The following MFHAS1 variants were observed in gnomAD, a reference collection of about 807,000 sequenced individuals.
The protein encoded by MFHAS1 is multifunctional ROCO family signaling regulator 1.
A neutral mutation model predicts 70.4 loss-of-function variants in MFHAS1; 50 were observed. The ratio of observed to expected loss-of-function variants is 0.71; its 90% CI spans 0.57 to 0.90. MFHAS1 has a LOEUF of 0.90. MFHAS1 is among the 40% of genes least tolerant of loss of function. The probability of loss-of-function intolerance (pLI) is 0.00; values close to 1 mark genes in which losing one functional copy is unlikely to be tolerated. For synonymous variants in MFHAS1, 952 were observed against 620.0 expected (o/e 1.54, Z -7.96); for missense variants, 1,795 against 1,347.6 (o/e 1.33, Z -5.20).
At chr8:8,810,494 C>G (rs1172985165) in intron 1 of MFHAS1, among the ~76,000 whole-genome samples, 1 of 152,230 alleles carries the variant, frequency 6.6e-6, no homozygotes. Context: ...TCCAACCCCT[C>G]CTCTTCCTCC....
chr8:8,794,313 A>C (rs1563176615), intron 2 of MFHAS1, among the ~76,000 whole-genome samples: 1 of 152,198 alleles, frequency 6.6e-6, no homozygotes. Flanking sequence ...CCCAAGTCTC[A>C]GGCTCAGGCC....
chr8:8,797,348 G>C lies in MFHAS1; in HGVS notation c.3125+17C>G, dbSNP rs1227673192. ...CAGGAGCCAGGTCCCGGGGCCAGAG[G>C]GACTTTGAGAACTCACTTGGAACAG... On this transcript the variant is annotated intron_variant, in intron 2 of 2. Coordinates refer to ENST00000276282, the MANE Select transcript of MFHAS1 (RefSeq NM_004225.3). The C allele has an allele frequency of 6.2e-7, 1 of 1,612,320 alleles. No homozygotes were observed. The highest frequency in any genetic ancestry group is 1.3e-5 in the African/African-American group (1 of 74,860).
chr8:8,790,341 C>G, intron 2 of MFHAS1: 1 of 983,232 alleles, frequency 1.0e-6, no homozygotes. Context: ...AATTGGTGCT[C>G]CTAAAGTCAC....
intron 1 of MFHAS1, among the ~76,000 whole-genome samples, chr8:8,883,338 T>TCAAAA (rs1164546459): frequency 3.0e-4 from 46 of 152,154 alleles, no homozygotes; most frequent in African/African-American, 9.2e-4. Context: ...CCGCTGGTTT[T>TCAAAA]CAAAACAAAA....
At chr8:8,797,251 G>T in intron 2 of MFHAS1, 114 bp downstream of exon 2, 1 of 1,210,862 alleles carries the variant, frequency 8.3e-7, no homozygotes. Flanking sequence ...TGTCTGTTCA[G>T]GAGGACTTTG....
chr8:8,858,652 G>A (rs1485115406), intron 1 of MFHAS1, among the ~76,000 whole-genome samples: 1 of 152,016 alleles, frequency 6.6e-6, no homozygotes, highest in Admixed American at 6.6e-5. Context: ...ATATATGGGG[G>A]GTTGGGTTCT....
At chr8:8,827,280 G>A (rs970777314) in intron 1 of MFHAS1, among the ~76,000 whole-genome samples, 1 of 152,114 alleles carries the variant, frequency 6.6e-6, no homozygotes. Flanking sequence ...GTACATGCTG[G>A]AAAACATTTA....
chr8:8,824,819 T>C (rs138699768), intron 1 of MFHAS1, among the ~76,000 whole-genome samples: 1 of 152,220 alleles, frequency 6.6e-6, no homozygotes, highest in Non-Finnish European at 1.5e-5. Context: ...GGTAAGCAAG[T>C]TGGAGGCAAG....
At chr8:8,815,471 G>A (rs10102462) in intron 1 of MFHAS1, among the ~76,000 whole-genome samples, 52,255 of 151,958 alleles carry the variant, frequency 0.34, 10,157 homozygotes, top group African/African-American at 0.52. Flanking sequence ...GAACTAATTC[G>A]CACTCCCACC....
intron 1 of MFHAS1, among the ~76,000 whole-genome samples, chr8:8,848,399 A>G (rs533100415): frequency 2.5e-4 from 7 of 27,890 alleles, no homozygotes; most frequent in African/African-American, 5.2e-4. Flanking sequence ...AAGAGGAAGA[A>G]AAAAAAAAAA....
chr8:8,831,891 T>G (rs1807402010), intron 1 of MFHAS1, among the ~76,000 whole-genome samples: 1 of 152,092 alleles, frequency 6.6e-6, no homozygotes, highest in South Asian at 2.1e-4. Flanking sequence ...GGATTACAGG[T>G]GTGAGCTACC....
intron 2 of MFHAS1, among the ~76,000 whole-genome samples, chr8:8,789,686 G>A (rs1424885471): frequency 6.6e-6 from 1 of 152,100 alleles, no homozygotes; most frequent in Admixed American, 6.6e-5. Flanking sequence ...GCCCCTCCTA[G>A]GATTAGCCAA....
intron 2 of MFHAS1, among the ~76,000 whole-genome samples, chr8:8,796,334 T>A (rs758594842): frequency 2.0e-5 from 3 of 152,204 alleles, no homozygotes; most frequent in Admixed American, 1.3e-4. Context: ...GCTTTGCTCA[T>A]GGAATGGGCC....
intron 1 of MFHAS1, among the ~76,000 whole-genome samples, chr8:8,838,459 A>C: frequency 6.6e-6 from 1 of 152,236 alleles, no homozygotes; most frequent in East Asian, 1.9e-4. Context: ...AAAGATGAAA[A>C]GAAGCGAAGC....
intron 1 of MFHAS1, among the ~76,000 whole-genome samples, chr8:8,798,830 C>T (rs891265645): frequency 2.6e-5 from 4 of 152,076 alleles, no homozygotes; most frequent in Non-Finnish European, 5.9e-5. Context: ...AGGTGGATCA[C>T]AAGGTCAGGA....
intron 2 of MFHAS1, among the ~76,000 whole-genome samples, chr8:8,793,783 C>T (rs965894922): frequency 6.6e-6 from 1 of 152,236 alleles, no homozygotes; most frequent in Non-Finnish European, 1.5e-5. Flanking sequence ...ACTGAACCAT[C>T]AGAAAGTCGT....
rs765155574 is a variant in MFHAS1, at chr8:8,890,614, C to T, written c.2445G>A (p.Gln815=). Residue 815 remains glutamine (Q), a synonymous_variant, in exon 1 of 3, where the codon CAG becomes CAA. Transcript: ENST00000276282. The stretch of plus-strand genomic sequence containing the variant: ...GCAGCTCCAGCAACAGCTGCAAGTC[C>T]TGCTGGGCCTGGACATGAGGCTTAA... ...LLLKPHVQAQ[Q]DLQLLLELLE... is the part of the protein sequence containing the mutation. The T allele has an allele frequency of 6.2e-7, 1 of 1,613,980 alleles. No homozygotes were observed. Among genetic ancestry groups the T allele is most frequent in the Non-Finnish European group, 8.5e-7 (1 of 1,180,010 alleles).
At chr8:8,889,744 G>C (rs1477523910) in intron 1 of MFHAS1, among the ~76,000 whole-genome samples, 2 of 152,172 alleles carry the variant, frequency 1.3e-5, no homozygotes, top group East Asian at 3.8e-4. Context: ...GAATCTATCT[G>C]TTCAACCACC....
At chr8:8,810,468 C>T (rs1806504745) in intron 1 of MFHAS1, among the ~76,000 whole-genome samples, 1 of 152,220 alleles carries the variant, frequency 6.6e-6, no homozygotes, top group South Asian at 2.1e-4. Flanking sequence ...CTTCTGCCAC[C>T]TCCTGAGAGA....
Sources: allele counts gnomAD v4.1 joint callset (sites outside exome capture counted in the v4.1 genomes callset), GRCh38; gene constraint gnomAD v4.1.1; transcripts MANE v1.5; gene names NCBI Gene and HGNC (gene_info 2026-07-23, HGNC 2026-07-21).